The following TRIM3 variants were observed in gnomAD, a reference collection of about 807,000 sequenced individuals.
TRIM3 encodes tripartite motif-containing protein 3.
A neutral mutation model predicts 66.6 loss-of-function variants in TRIM3; 13 were observed. The ratio of observed to expected loss-of-function variants is 0.20; its 90% confidence interval spans 0.13 to 0.31. TRIM3 has a LOEUF of 0.31. Ranked by LOEUF, TRIM3 falls within the 10% of genes least tolerant of loss-of-function variation. The pLI is 1.00. For synonymous variants in TRIM3, 406 were observed against 411.7 expected, an observed-to-expected ratio of 0.99 and a Z score of 0.17; for missense variants, 711 against 1,020.4, an observed-to-expected ratio of 0.70 and a Z score of 4.13.
chr11:6,460,320 A>G (rs1589832308), intron 2 of TRIM3, among the ~76,000 whole-genome samples: 2 of 152,054 alleles, frequency 1.3e-5, no homozygotes, highest in Non-Finnish European at 2.9e-5. Context: ...AGTGAAGGGG[A>G]GCTTGAAAGT....
Position 6,456,813 on chromosome 11 carries a change from G to A in TRIM3, c.913C>T (p.Leu305=). ...CCCAGATTGAGCACCGATCGCCGCA[G>A]ACCGTCCACCTCAAGGACCAGTTCC... The part of the protein sequence containing the change: ...QLELVLEVDG[L]RRSVLNLGAL... Residue 305 remains leucine, a synonymous_variant, in exon 6 of 12, where the codon CTG becomes TTG. Coordinates refer to ENST00000345851, the MANE Select transcript of TRIM3 (RefSeq NM_033278.4). The surrounding 1 kb of genome is among the most constrained non-coding windows in gnomAD (Gnocchi z 6.4). 1.2e-6 allele frequency: 2 copies of A among 1,612,812 alleles called. No homozygotes were observed. Among genetic ancestry groups the A allele is most frequent in the Non-Finnish European group, 1.7e-6 (2 of 1,179,972 alleles).
At chr11:6,468,943 T>C (rs1013813530) in intron 1 of TRIM3, among the ~76,000 whole-genome samples, 4 of 152,164 alleles carry the variant, frequency 2.6e-5, no homozygotes, top group Non-Finnish European at 5.9e-5. Flanking sequence ...CTGTGCCTTA[T>C]GTTTGTGTAA....
upstream of TRIM3, chr11:6,474,062 C>T (rs1454596447): frequency 6.7e-6 from 1 of 149,766 alleles, no homozygotes; most frequent in Non-Finnish European, 1.5e-5. Flanking sequence ...CGCCTGCCCA[C>T]CCCTACCGCA....
Position 6,458,159 on chromosome 11 carries a change from T to C in TRIM3, c.269A>G (p.Gln90Arg). Reference sequence around the variant, plus strand: ...GTCGTGGGCCCCATCAGGTGCCTGCTGCATTGCCTCCATGAGGCTGCTGAT... The same window carrying C: ...GTCGTGGGCCCCATCAGGTGCCTGCCGCATTGCCTCCATGAGGCTGCTGAT... ...FFISSLMEAM[Q>R]QAPDGAHDPE... The change falls in exon 3 of 12, where the codon CAG becomes CGG. Residue 90 changes from glutamine to arginine, a missense_variant. By Grantham distance (43) the Gln-to-Arg change is conservative (BLOSUM62 1). Around this residue, in one of 3 missense-constraint regions of TRIM3, gnomAD observed 149 missense variants for 240.3 expected, o/e 0.62. Transcript: ENST00000345851. This position sits in a 1 kb window ranked among gnomAD's most constrained non-coding sequence, Gnocchi z 6.2. 6.2e-7 allele frequency: 1 copy of C among 1,614,162 alleles called. No individual in the cohort carries two copies.
At chr11:6,473,349 G>C (rs2859516) in intron 1 of TRIM3, 1 of 133,630 alleles carries the variant, frequency 7.5e-6, no homozygotes. Context: ...GTGGGTACCA[G>C]AGGATGGAAG....
rs1849615262 is a variant in TRIM3, at chr11:6,449,143, T to C, written c.2120A>G (p.Asn707Ser). 1.9e-6 allele frequency: 3 copies of C among 1,614,138 alleles called. No individual in the cohort carries two copies. The highest frequency in any genetic ancestry group is 2.5e-6 in the Non-Finnish European group (3 of 1,180,000). Reference sequence around the variant, plus strand: ...ACCATACAGTGGTTCTGCAGATGTGTTGATATAGGACAGGAAGGAGCCAGA... The same window carrying C: ...ACCATACAGTGGTTCTGCAGATGTGCTGATATAGGACAGGAAGGAGCCAGA... ...DSSGSFLSYI[N>S]TSAEPLYGPQ... The change falls in exon 12 of 12, where the codon AAC becomes AGC. Residue 707 changes from asparagine (N) to serine (S), a missense_variant. Transcript: ENST00000345851. This position sits in a 1 kb window ranked among gnomAD's most constrained non-coding sequence, Gnocchi z 5.3.
chr11:6,466,371 C>T (rs962420944), intron 1 of TRIM3, among the ~76,000 whole-genome samples: 33 of 152,258 alleles, frequency 2.2e-4, no homozygotes, highest in African/African-American at 7.5e-4. Flanking sequence ...AGCCTCTTAA[C>T]TGGTGTTCTT....
chr11:6,457,684 C>T lies in TRIM3; in HGVS notation c.515+12G>A, dbSNP rs1049379895. 3 of 1,609,216 alleles carry T rather than the reference C, an allele frequency of 1.9e-6. No individual in the cohort carries two copies. Among genetic ancestry groups the T allele is most frequent in the South Asian group, 2.2e-5 (2 of 90,802 alleles). On this transcript the variant is annotated intron_variant, in intron 4 of 11. Transcript: ENST00000345851. This position sits in a 1 kb window ranked among gnomAD's most constrained non-coding sequence, Gnocchi z 4.5. Reference sequence around the variant, plus strand: ...GTGGCCCCACCAGCCCAGGACCCTGCCCAGTGCCTACCGGCCACGCACAGC... The same window carrying T: ...GTGGCCCCACCAGCCCAGGACCCTGTCCAGTGCCTACCGGCCACGCACAGC...
At position 6,456,785 on chromosome 11, in the gene TRIM3, G is replaced by A. The variant is rs1257984085; in HGVS notation, c.941C>T (p.Ala314Val). 3 of 1,612,356 alleles carry A rather than the reference G, an allele frequency of 1.9e-6. No individual in the cohort carries two copies. The highest frequency in any genetic ancestry group is 2.5e-6 in the Non-Finnish European group (3 of 1,179,960). Reference protein sequence around the residue: ...GLRRSVLNLGALLTTSATAHE... With the variant: ...GLRRSVLNLGVLLTTSATAHE... ...TGCAGTGGCGCTCGTGGTGAGCAGT[G>A]CGCCCAGATTGAGCACCGATCGCCG... Residue 314 changes from alanine (A) to valine (V), a missense_variant, in exon 6 of 12, where the codon GCA becomes GTA. Transcript: ENST00000345851. This position sits in a 1 kb window ranked among gnomAD's most constrained non-coding sequence, Gnocchi z 6.4.
chr11:6,466,691 G>T, intron 1 of TRIM3, among the ~76,000 whole-genome samples: 1 of 149,530 alleles, frequency 6.7e-6, no homozygotes, highest in African/African-American at 2.5e-5. Flanking sequence ...TCCTTTTCCT[G>T]GCCCCTTTTC....
rs78667117 is a variant in TRIM3, at chr11:6,450,360, C to T, written c.1941+191G>A. On this transcript the variant is annotated intron_variant, in intron 10 of 11. Transcript: ENST00000345851. This position sits in a 1 kb window ranked among gnomAD's most constrained non-coding sequence, Gnocchi z 4.8. ...ATCAAGAAGACACAGAATACATTTG[C>T]TTTGTGCATCACTGTATCTCCAGCT... 6.2e-3 allele frequency: 3,723 copies of T among 596,462 alleles called. 79 individuals are homozygous for T. Among genetic ancestry groups the T allele is most frequent in the African/African-American group, 0.054 (2,914 of 54,012 alleles). The allele number at this position is 596,462 out of a possible 1,614,324, so 36.9% of individuals were successfully genotyped here.
chr11:6,454,076 C>T lies in TRIM3; in HGVS notation c.1533+1996G>A, dbSNP rs140345752. The stretch of plus-strand genomic sequence containing the variant: ...TATACCAGGTGTTCCCTCTCAATTC[C>T]CCACTCTGAAACAATGGGGAGGCCA... On this transcript the variant is annotated intron_variant, in intron 7 of 11. Transcript: ENST00000345851. 3.4e-3 allele frequency among the ~76,000 whole-genome samples: 525 copies of T among 152,252 alleles called. 8 individuals are homozygous for T. The highest frequency in any genetic ancestry group is 0.03 in the Admixed American group (463 of 15,286).
Position 6,448,905 on chromosome 11 carries a change from G to C in TRIM3, c.*123C>G. On this transcript the variant is annotated 3_prime_UTR_variant, in exon 12 of 12. Coordinates refer to ENST00000345851, the MANE Select transcript of TRIM3 (RefSeq NM_033278.4). ...TGGGGGTAGGAGAGGGAGGGCACCGGGTGCACCCATGCCCACAGCCCACAT... is the reference window on the plus strand; with the variant it reads ...TGGGGGTAGGAGAGGGAGGGCACCGCGTGCACCCATGCCCACAGCCCACAT... 1.6e-6 allele frequency: 2 copies of C among 1,260,520 alleles called. No individual in the cohort carries two copies. The highest frequency in any genetic ancestry group is 3.7e-5 in the Admixed American group (2 of 54,252). 78.1% of individuals were successfully genotyped at this position (1,260,520 alleles called of 1,614,324 possible).
chr11:6,457,783 T>G lies in TRIM3; in HGVS notation c.428A>C (p.His143Pro). Residue 143 changes from histidine (H) to proline (P), a missense_variant, in exon 4 of 12, where the codon CAT becomes CCT. Transcript: ENST00000345851. This position sits in a 1 kb window ranked among gnomAD's most constrained non-coding sequence, Gnocchi z 4.5. The stretch of plus-strand genomic sequence containing the variant: ...CAGCAGCACTGTGCCATGCTCACGA[T>G]GCTCCCCGGCGCGGCACTCACCACA... The part of the protein sequence containing the change: ...AMCGECRAGE[H>P]REHGTVLLRD... 6.2e-7 allele frequency: 1 copy of G among 1,614,186 alleles called. No individual in the cohort carries two copies. Among genetic ancestry groups the G allele is most frequent in the South Asian group, 1.1e-5 (1 of 91,092 alleles).
rs369363384 is a variant in TRIM3, at chr11:6,457,260, T to C, written c.696+36A>G. 1.9e-6 allele frequency: 3 copies of C among 1,605,660 alleles called. No homozygotes were observed. The highest frequency in any genetic ancestry group is 1.1e-5 in the South Asian group (1 of 90,210). On this transcript the variant is annotated intron_variant, in intron 5 of 11. Coordinates refer to ENST00000345851, the MANE Select transcript of TRIM3 (RefSeq NM_033278.4). The surrounding 1 kb of genome is among the most constrained non-coding windows in gnomAD (Gnocchi z 4.5). ...AATGGAGGCAATAACACCATCACAATGGACGATGGTAGGAAAGGGTGAACA... is the reference window on the plus strand; with the variant it reads ...AATGGAGGCAATAACACCATCACAACGGACGATGGTAGGAAAGGGTGAACA...
rs1458450278 is a variant in TRIM3, at chr11:6,448,619, T to C, written c.*409A>G. On this transcript the variant is annotated 3_prime_UTR_variant, in exon 12 of 12. Coordinates refer to ENST00000345851, the MANE Select transcript of TRIM3 (RefSeq NM_033278.4). ...CAAGAACCCAGCAAAAACATCTTGG[T>C]GAAGACATTTATTTAATATGGGGGG... 2.5e-5 allele frequency: 9 copies of C among 361,384 alleles called. No homozygotes were observed. Among genetic ancestry groups the C allele is most frequent in the Non-Finnish European group, 3.6e-5 (7 of 196,814 alleles). 22.4% of individuals were successfully genotyped at this position (361,384 alleles called of 1,614,324 possible). A position where few individuals can be genotyped will look rare whatever the true frequency, so the allele number is the denominator to read the frequency against.
At chr11:6,469,889 C>T (rs1240352958) in intron 1 of TRIM3, among the ~76,000 whole-genome samples, 1 of 152,090 alleles carries the variant, frequency 6.6e-6, no homozygotes, top group East Asian at 1.9e-4. Context: ...AAGAAAGTAA[C>T]GTTCAAGCTG....
chr11:6,457,133 G>A lies in TRIM3; in HGVS notation c.697-104C>T. 1.3e-6 allele frequency: 2 copies of A among 1,523,726 alleles called. No homozygotes were observed. Among genetic ancestry groups the A allele is most frequent in the South Asian group, 1.3e-5 (1 of 79,920 alleles). 94.4% of individuals were successfully genotyped at this position (1,523,726 alleles called of 1,614,324 possible). A position where few individuals can be genotyped will look rare whatever the true frequency, so the allele number is the denominator to read the frequency against. On this transcript the variant is annotated intron_variant, in intron 5 of 11. Transcript: ENST00000345851. This position sits in a 1 kb window ranked among gnomAD's most constrained non-coding sequence, Gnocchi z 4.5. ...TGGCATAAAATACAAGAGGGTGCCT[G>A]TGGACAGAGGACACAGATGCCCACA...
At chr11:6,460,066 C>T (rs901410788) in intron 2 of TRIM3, among the ~76,000 whole-genome samples, 1 of 152,180 alleles carries the variant, frequency 6.6e-6, no homozygotes, top group Non-Finnish European at 1.5e-5. Flanking sequence ...TTAGCAAAAA[C>T]TGAATGAGGA....
Sources: gnomAD v4.1 joint callset for allele counts (sites outside exome capture counted in the v4.1 genomes callset) on GRCh38, gnomAD v4.1.1 for gene constraint, gnomAD v4.1.1 regional missense constraint, Gnocchi (gnomAD v3.1) non-coding constraint, MANE v1.5 for transcripts, NCBI Gene and HGNC (gene_info 2026-07-23, HGNC 2026-07-21) for gene names.